Variants in ICOS observed in about 807,000 individuals in gnomAD.
ICOS encodes inducible T cell costimulator, also known as inducible T-cell costimulator.
A neutral mutation model predicts 24.6 loss-of-function variants in ICOS; 15 were observed. The ratio of observed to expected loss-of-function variants is 0.61; its 90% confidence interval spans 0.41 to 0.94. The LOEUF (loss-of-function observed/expected upper bound fraction) is 0.94. Among genes scored for constraint, ICOS ranks in the 40% least tolerant of loss-of-function variants. The pLI, the probability that ICOS is intolerant of heterozygous loss-of-function variation, is 0.00. For missense variants in ICOS, 200 were observed against 233.0 expected, an observed-to-expected ratio of 0.86 and a Z score of 0.92; for synonymous variants, 89 against 77.5, an observed-to-expected ratio of 1.15 and a Z score of -0.78.
chr2:203,936,917 A>T (rs1689661479), intron 1 of ICOS, 45 bp downstream of exon 1: 1 of 1,408,906 alleles, frequency 7.1e-7, no homozygotes, highest in Non-Finnish European at 1.0e-6. Flanking sequence ...TAATTCAAGT[A>T]AACATTAAGA....
intron 1 of ICOS, among the ~76,000 whole-genome samples, chr2:203,950,985 A>G (rs149044267): frequency 1.3e-5 from 2 of 151,992 alleles, no homozygotes; most frequent in Non-Finnish European, 2.9e-5. Context: ...GCTTGAACCT[A>G]GGAGGCAGAG....
At chr2:203,950,213 G>C (rs1336376946) in intron 1 of ICOS, among the ~76,000 whole-genome samples, 1 of 152,218 alleles carries the variant, frequency 6.6e-6, no homozygotes, top group Admixed American at 6.5e-5. Flanking sequence ...CCTAGGTCTA[G>C]GCTGAGGCCT....
chr2:203,954,921 T>C (rs1332277037), intron 1 of ICOS, among the ~76,000 whole-genome samples: 3 of 150,488 alleles, frequency 2.0e-5, no homozygotes, highest in Admixed American at 2.0e-4. Context: ...CAATTATTCA[T>C]TTTTAAACTA....
rs1285819585 is a variant in ICOS at position 203,939,434 on chromosome 2, ATG to A, written c.58+2565_58+2566del. The stretch of plus-strand genomic sequence containing the variant: ...TTAATTATAAAAATATCTACGAAAA[ATG>A]TGAATGTCTAACTACATTTTGAAGA... On this transcript the variant is annotated intron_variant, in intron 1 of 4. Transcript: ENST00000316386. Among the ~76,000 whole-genome samples, 6 of 152,230 alleles carry A rather than the reference ATG, an allele frequency of 3.9e-5. No homozygotes were observed. The East Asian group carries it at 5.8e-4, about 15-fold the overall frequency.
chr2:203,956,128 A>G (rs1251968291), intron 2 of ICOS, among the ~76,000 whole-genome samples, 157 bp downstream of exon 2: 1 of 152,186 alleles, frequency 6.6e-6, no homozygotes, highest in African/African-American at 2.4e-5. Flanking sequence ...TATACAGGTG[A>G]TGATTTACTA....
intron 3 of ICOS, among the ~76,000 whole-genome samples, chr2:203,957,553 G>A (rs563663333): frequency 2.0e-5 from 3 of 152,260 alleles, no homozygotes; most frequent in Admixed American, 1.3e-4. Flanking sequence ...ATGAGATAGC[G>A]CCCATGGTCT....
At chr2:203,959,047 T>C (rs1690124926) in intron 4 of ICOS, among the ~76,000 whole-genome samples, 1 of 152,218 alleles carries the variant, frequency 6.6e-6, no homozygotes, top group Non-Finnish European at 1.5e-5. Flanking sequence ...CACAGAGGCC[T>C]GACTTCATTG....
chr2:203,958,968 G>A (rs1465580861), intron 4 of ICOS, among the ~76,000 whole-genome samples: 1 of 152,160 alleles, frequency 6.6e-6, no homozygotes, highest in Admixed American at 6.5e-5. Context: ...GAGGGGGCAG[G>A]GAGAGTGAGA....
chr2:203,941,582 C>A (rs1156350912), intron 1 of ICOS, among the ~76,000 whole-genome samples: 2 of 152,168 alleles, frequency 1.3e-5, no homozygotes, highest in African/African-American at 4.8e-5. Context: ...AAATGACTTA[C>A]TGGGCTTTGC....
At chr2:203,941,952 C>G (rs1007428566) in intron 1 of ICOS, among the ~76,000 whole-genome samples, 1 of 151,762 alleles carries the variant, frequency 6.6e-6, no homozygotes, top group African/African-American at 2.4e-5. Context: ...CCTTCTGGTT[C>G]ATGTATAACA....
At chr2:203,942,575 T>C (rs769447876) in intron 1 of ICOS, among the ~76,000 whole-genome samples, 1 of 152,210 alleles carries the variant, frequency 6.6e-6, no homozygotes, top group African/African-American at 2.4e-5. Context: ...TTTTGATATA[T>C]AATAACCCTT....
At chr2:203,949,497 G>A (rs1281388994) in intron 1 of ICOS, among the ~76,000 whole-genome samples, 1 of 152,222 alleles carries the variant, frequency 6.6e-6, no homozygotes, top group East Asian at 1.9e-4. Context: ...GTATGATGCT[G>A]AGAAGAGGTT....
At chr2:203,940,152 C>G (rs1017370668) in intron 1 of ICOS, among the ~76,000 whole-genome samples, 1 of 152,070 alleles carries the variant, frequency 6.6e-6, no homozygotes, top group African/African-American at 2.4e-5. Context: ...AATGAAAATG[C>G]CTTTGTCTGA....
At chr2:203,950,125 G>C (rs1173295764) in intron 1 of ICOS, among the ~76,000 whole-genome samples, 1 of 152,208 alleles carries the variant, frequency 6.6e-6, no homozygotes, top group Admixed American at 6.5e-5. Context: ...GAATACCGGA[G>C]ACTGGGTAAT....
At position 203,955,629 on chromosome 2, in the gene ICOS, T is replaced by C; in HGVS notation, c.59-7T>C. The C allele has an allele frequency of 6.2e-7, 1 of 1,604,402 alleles. No individual in the cohort carries two copies. Among genetic ancestry groups the C allele is most frequent in the African/African-American group, 1.3e-5 (1 of 74,806 alleles). The stretch of plus-strand genomic sequence containing the variant: ...ACTTTTGCTTTGTTTTCTTTCTTTT[T>C]ATGCAGGAGAAATCAATGGTTCTGC... On this transcript the variant is annotated splice_region_variant and splice_polypyrimidine_tract_variant and intron_variant, in intron 1 of 4. Coordinates refer to ENST00000316386, the MANE Select transcript of ICOS (RefSeq NM_012092.4).
intron 1 of ICOS, among the ~76,000 whole-genome samples, chr2:203,945,350 CAGAG>C (rs1362383204): frequency 6.6e-6 from 1 of 152,108 alleles, no homozygotes; most frequent in East Asian, 1.9e-4. Context: ...TGATGAAAAT[CAGAG>C]AGAGGAAGAA....
intron 1 of ICOS, among the ~76,000 whole-genome samples, chr2:203,950,999 G>T (rs924049794): frequency 3.5e-4 from 53 of 151,886 alleles, no homozygotes; most frequent in Non-Finnish European, 8.8e-5. Flanking sequence ...GGCAGAGGTT[G>T]CAGTGAGCTG....
intron 1 of ICOS, among the ~76,000 whole-genome samples, chr2:203,948,453 C>T (rs1327317760): frequency 6.6e-6 from 1 of 152,194 alleles, no homozygotes. Context: ...TGCTTCATCT[C>T]CTCAGATTTA....
intron 1 of ICOS, among the ~76,000 whole-genome samples, chr2:203,945,147 A>G (rs1305662013): frequency 2.0e-5 from 3 of 152,186 alleles, no homozygotes; most frequent in African/African-American, 7.2e-5. Context: ...TTTCTGAAAC[A>G]TAATTTTGGG....
Sources: allele counts gnomAD v4.1 joint callset (sites outside exome capture counted in the v4.1 genomes callset), GRCh38; gene constraint gnomAD v4.1.1; transcripts MANE v1.5; gene names NCBI Gene and HGNC (gene_info 2026-07-23, HGNC 2026-07-21).